Variants in MSH4 observed in about 807,000 individuals in gnomAD.
MSH4 encodes mutS protein homolog 4.
MSH4 carries 106 observed loss-of-function variants against 113.7 expected under a neutral mutation model. The ratio of observed to expected loss-of-function variants is 0.93; its 90% CI spans 0.80 to 1.10. MSH4 has a LOEUF of 1.10. Ranked by LOEUF, MSH4 falls within the 50% of genes least tolerant of loss-of-function variation. The pLI is 0.00. For synonymous variants in MSH4, 368 were observed against 380.2 expected (o/e 0.97, Z 0.37); for missense variants, 1,061 against 1,093.7 (o/e 0.97, Z 0.42).
In MSH4 at chr1:75,807,134, A is replaced by AT. The variant is rs1345028655; in HGVS notation, c.582dup (p.Ala195CysfsTer6). ...TCCCAGTTTGCAGACAACACAACAT[A>AT]TGCAAAGGTAAGTATTAATAATTCT... On this transcript the variant is annotated frameshift_variant, in exon 3 of 20. Coordinates refer to ENST00000263187, the MANE Select transcript of MSH4 (RefSeq NM_002440.4). LOFTEE classifies it high-confidence loss of function. 3 of 1,556,120 alleles carry AT rather than the reference A, an allele frequency of 1.9e-6. No homozygotes were observed. In the Admixed American group the frequency reaches 6.8e-5, roughly 35 times the overall value.
At chr1:75,813,730 G>A (rs1650236313) in intron 4 of MSH4, among the ~76,000 whole-genome samples, 1 of 152,034 alleles carries the variant, frequency 6.6e-6, no homozygotes, top group Non-Finnish European at 1.5e-5. Flanking sequence ...ACCTTCATTA[G>A]CCAGGTGTAG....
At chr1:75,810,898 G>A in intron 4 of MSH4, 91 bp downstream of exon 4, 1 of 590,066 alleles carries the variant, frequency 1.7e-6, no homozygotes, top group Non-Finnish European at 2.7e-6. Flanking sequence ...TTGAGACAGA[G>A]TTTCACTCTG....
intron 9 of MSH4, among the ~76,000 whole-genome samples, chr1:75,871,861 G>A (rs1024512053): frequency 1.3e-5 from 2 of 152,324 alleles, no homozygotes; most frequent in African/African-American, 4.8e-5. Flanking sequence ...TACAGGAAGA[G>A]ACTATTTGCT....
intron 7 of MSH4, among the ~76,000 whole-genome samples, chr1:75,824,982 T>G (rs1570950708): frequency 1.3e-5 from 2 of 152,016 alleles, no homozygotes; most frequent in East Asian, 3.9e-4. Context: ...AAAGTATTTT[T>G]TTTTCTAGTT....
At chr1:75,870,163 C>A (rs577676701) in intron 9 of MSH4, among the ~76,000 whole-genome samples, 1 of 152,172 alleles carries the variant, frequency 6.6e-6, no homozygotes, top group Non-Finnish European at 1.5e-5. Context: ...TTTGGACTTG[C>A]GTGGGGCCTG....
At chr1:75,873,056 T>C (rs1011438164) in intron 9 of MSH4, among the ~76,000 whole-genome samples, 1 of 152,256 alleles carries the variant, frequency 6.6e-6, no homozygotes, top group Admixed American at 6.5e-5. Context: ...CGTGCTGTGA[T>C]AGGTAAAACC....
At chr1:75,904,437 C>G (rs1309166600) in intron 19 of MSH4, among the ~76,000 whole-genome samples, 1 of 152,068 alleles carries the variant, frequency 6.6e-6, no homozygotes, top group Non-Finnish European at 1.5e-5. Context: ...ATTAGACTTG[C>G]TATTCATTCT....
chr1:75,823,036 G>T (rs185572726), intron 7 of MSH4, among the ~76,000 whole-genome samples: 6 of 152,020 alleles, frequency 3.9e-5, no homozygotes, highest in African/African-American at 1.5e-4. Flanking sequence ...TTAAAATAAG[G>T]TGTCAGAAAA....
intron 8 of MSH4, among the ~76,000 whole-genome samples, chr1:75,859,978 G>A (rs1651416072): frequency 6.6e-6 from 1 of 152,176 alleles, no homozygotes; most frequent in African/African-American, 2.4e-5. Context: ...AGGACAGTTA[G>A]CTCTTCTTGT....
At chr1:75,897,085 G>C (rs758886110) in intron 17 of MSH4, among the ~76,000 whole-genome samples, 7 of 152,064 alleles carry the variant, frequency 4.6e-5, no homozygotes, top group Non-Finnish European at 7.4e-5. Flanking sequence ...TACCTAATTT[G>C]TCACTCATAA....
rs141042002 is a variant in MSH4, at chr1:75,848,275, C to T, written c.1229C>T (p.Thr410Met). 2.0e-4 allele frequency: 322 copies of T among 1,591,358 alleles called. No individual in the cohort carries two copies. In the African/African-American group the frequency reaches 3.7e-3, roughly 18 times the overall value. ...SVLVQIPKQDTVNAAESKITN... is the reference protein window; with the variant it reads ...SVLVQIPKQDMVNAAESKITN... ...TTAGTCCAAATTCCAAAGCAAGACACGGTATGTTTTTGTATACATTTTGTA... is the reference window on the plus strand; with the variant it reads ...TTAGTCCAAATTCCAAAGCAAGACATGGTATGTTTTTGTATACATTTTGTA... The change falls in exon 8 of 20, where the codon ACG becomes ATG. Residue 410 changes from threonine (T) to methionine (M), a missense_variant and splice_region_variant. By Grantham distance (81) the Thr-to-Met change is moderately conservative. Coordinates refer to ENST00000263187, the MANE Select transcript of MSH4 (RefSeq NM_002440.4).
intron 7 of MSH4, 145 bp from the exon 8 acceptor site, chr1:75,848,064 A>G (rs2100545926): frequency 3.9e-6 from 2 of 517,474 alleles, no homozygotes; most frequent in Admixed American, 3.8e-5. Context: ...TATTCATTTT[A>G]CATGTAAGAT....
At chr1:75,843,983 G>T (rs1467606748) in intron 7 of MSH4, among the ~76,000 whole-genome samples, 1 of 151,962 alleles carries the variant, frequency 6.6e-6, no homozygotes, top group Non-Finnish European at 1.5e-5. Flanking sequence ...GGCTAATTTT[G>T]TAGTTTTAGT....
chr1:75,823,786 T>TC (rs1206619628), intron 7 of MSH4, among the ~76,000 whole-genome samples: 2 of 152,184 alleles, frequency 1.3e-5, no homozygotes, highest in African/African-American at 4.8e-5. Flanking sequence ...TTCATCCATG[T>TC]CCCTGCAGAG....
intron 9 of MSH4, among the ~76,000 whole-genome samples, chr1:75,876,198 G>T (rs374811448): frequency 6.6e-6 from 1 of 152,068 alleles, no homozygotes; most frequent in Non-Finnish European, 1.5e-5. Context: ...GGATTAAGTC[G>T]GGGTTGGGGA....
intron 19 of MSH4, among the ~76,000 whole-genome samples, chr1:75,900,920 C>G (rs1311987662): frequency 6.6e-6 from 1 of 152,108 alleles, no homozygotes; most frequent in African/African-American, 2.4e-5. Context: ...GGCTTTGATT[C>G]TCCTAATGAA....
At chr1:75,908,041 A>G (rs1366062673) in intron 19 of MSH4, among the ~76,000 whole-genome samples, 1 of 147,038 alleles carries the variant, frequency 6.8e-6, no homozygotes, top group Non-Finnish European at 1.5e-5. Flanking sequence ...TGCTTGATCT[A>G]TTTCTTTTTT....
intron 7 of MSH4, among the ~76,000 whole-genome samples, chr1:75,830,550 G>T (rs555246685): frequency 6.6e-6 from 1 of 152,262 alleles, no homozygotes; most frequent in Non-Finnish European, 1.5e-5. Flanking sequence ...GAAAGGTCAG[G>T]TTACCCACAA....
intron 2 of MSH4, 46 bp from the exon 3 acceptor site, chr1:75,806,935 G>A (rs760180896): frequency 4.1e-6 from 6 of 1,468,686 alleles, no homozygotes; most frequent in Non-Finnish European, 5.4e-6. Context: ...AAAAAGAAAT[G>A]ATTATTATCA....
Sources: gnomAD v4.1 joint callset for allele counts (sites outside exome capture counted in the v4.1 genomes callset) on GRCh38, gnomAD v4.1.1 for gene constraint, MANE v1.5 for transcripts, NCBI Gene and HGNC (gene_info 2026-07-23, HGNC 2026-07-21) for gene names.